The following NCOR2 variants were observed in gnomAD, a reference collection of about 807,000 sequenced individuals.
NCOR2 encodes the protein nuclear receptor corepressor 2, also known as CTG repeat protein 26.
NCOR2 carries 81 observed loss-of-function variants against 262.9 expected under a neutral mutation model. The ratio of observed to expected loss-of-function variants is 0.31; its 90% CI spans 0.26 to 0.37. The LOEUF is 0.37. Ranked by LOEUF, NCOR2 falls within the 10% of genes least tolerant of loss-of-function variation. The pLI, the probability that NCOR2 is intolerant of heterozygous loss-of-function variation, is 1.00. For missense variants in NCOR2, 3,385 were observed against 3,621.4 expected, an observed-to-expected ratio of 0.93 and a Z score of 1.68; for synonymous variants, 1,659 against 1,559.3, an observed-to-expected ratio of 1.06 and a Z score of -1.51.
exon 28 of NCOR2, chr12:124,350,709 C>T: frequency 6.2e-7 from 1 of 1,613,048 alleles, no homozygotes; most frequent in Non-Finnish European, 8.5e-7. Context: ...GGTGATGGTG[C>T]CCTTGTACAG....
chr12:124,429,832 G>A (rs1869948029), intron 9 of NCOR2, 126 bp from the exon 12 acceptor site: 1 of 911,418 alleles, frequency 1.1e-6, no homozygotes, highest in African/African-American at 1.6e-5. Flanking sequence ...GCCAGCAGAG[G>A]GGCCGGCCCC....
rs1209417010 is a variant in NCOR2 at position 124,335,241 on chromosome 12, T to C, written c.6305A>G (p.His2102Arg). The C allele has an allele frequency of 2.5e-6, 4 of 1,608,872 alleles. No homozygotes were observed. The Admixed American group carries it at 6.7e-5, about 27-fold the overall frequency. ...CTGGCTCTCAGGCAGCGGCCGCAGG[T>C]GTGGGAGGTGGGCGGCCTCCCCGCC... The change falls in exon 40 of 47, where the codon CAC (histidine) becomes CGC (arginine). Residue 2102 changes from histidine (H) to arginine (R), a missense_variant. His to Arg is a conservative substitution (Grantham distance 29). Coordinates refer to ENST00000405201, the Ensembl canonical transcript of NCOR2.
chr12:124,424,873 C>G (rs2043442915), intron 11 of NCOR2, among the ~76,000 whole-genome samples: 1 of 152,328 alleles, frequency 6.6e-6, no homozygotes, highest in South Asian at 2.1e-4. Context: ...CCTGGCCAAG[C>G]ACAGAGGCCT....
chr12:124,327,178 C>T (rs966966996), intron 45 of NCOR2, among the ~76,000 whole-genome samples: 3 of 151,832 alleles, frequency 2.0e-5, no homozygotes, highest in East Asian at 1.9e-4. Context: ...GGCAGCGCTT[C>T]GGGCCTAGTG....
At chr12:124,545,179 A>T (rs546288472) in intron 1 of NCOR2, among the ~76,000 whole-genome samples, 1 of 152,056 alleles carries the variant, frequency 6.6e-6, no homozygotes, top group East Asian at 1.9e-4. Flanking sequence ...CAGCACCTCG[A>T]ACACCCAGAA....
chr12:124,369,374 T>C (rs560587705), intron 20 of NCOR2, among the ~76,000 whole-genome samples: 1 of 152,046 alleles, frequency 6.6e-6, no homozygotes, highest in African/African-American at 2.4e-5. Context: ...ATGAGAGTCA[T>C]CTTGCGTCCA....
chr12:124,567,035 GC>G (rs1244654457), intron 1 of NCOR2, among the ~76,000 whole-genome samples: 2 of 151,994 alleles, frequency 1.3e-5, no homozygotes, highest in Admixed American at 1.3e-4. Context: ...TTTCCAGCGC[GC>G]CCCCCGCCCA....
chr12:124,377,664 C>A, intron 18 of NCOR2, among the ~76,000 whole-genome samples: 1 of 151,942 alleles, frequency 6.6e-6, no homozygotes, highest in East Asian at 1.9e-4. Flanking sequence ...CATGGCGAAA[C>A]CCCATCTCTG....
At chr12:124,560,291 C>T (rs770759091) in intron 1 of NCOR2, among the ~76,000 whole-genome samples, 30 of 152,232 alleles carry the variant, frequency 2.0e-4, no homozygotes, top group Non-Finnish European at 3.4e-4. Context: ...AAACGCTGTA[C>T]CCAAAAGCAG....
intron 41 of NCOR2, among the ~76,000 whole-genome samples, chr12:124,333,970 G>A (rs1348688729): frequency 1.3e-5 from 2 of 151,852 alleles, no homozygotes; most frequent in African/African-American, 4.8e-5. Flanking sequence ...GTGTGCGGGT[G>A]CGCATGTGTG....
chr12:124,401,154 T>G (rs1403735735), intron 14 of NCOR2, among the ~76,000 whole-genome samples: 1 of 150,412 alleles, frequency 6.6e-6, no homozygotes, highest in Non-Finnish European at 1.5e-5. Flanking sequence ...GAGGCTGCAG[T>G]GAGCCATGAT....
chr12:124,487,457 G>A (rs1307323437), intron 1 of NCOR2, among the ~76,000 whole-genome samples: 2 of 152,276 alleles, frequency 1.3e-5, no homozygotes, highest in Admixed American at 1.3e-4. Flanking sequence ...CCACACCTGA[G>A]TCAAGCTCCT....
At chr12:124,430,862 A>T (rs1196067219) in intron 8 of NCOR2, 75 bp from the exon 11 acceptor site, 1 of 1,517,184 alleles carries the variant, frequency 6.6e-7, no homozygotes, top group African/African-American at 1.4e-5. Flanking sequence ...GCCCACTCAC[A>T]TGCAGGCAGA....
chr12:124,563,412 A>AAT (rs1415807901), intron 1 of NCOR2, among the ~76,000 whole-genome samples: 3 of 152,228 alleles, frequency 2.0e-5, no homozygotes, highest in African/African-American at 7.2e-5. Flanking sequence ...CAATGATGCT[A>AAT]AGTTCATTCA....
intron 3 of NCOR2, among the ~76,000 whole-genome samples, chr12:124,480,721 C>T (rs577194756): frequency 5.8e-4 from 88 of 151,968 alleles, no homozygotes; most frequent in African/African-American, 2.1e-3. Context: ...TGGCCACGGG[C>T]CAAGCACCCC....
chr12:124,418,139 C>T (rs1027606882), intron 13 of NCOR2, among the ~76,000 whole-genome samples: 3 of 151,958 alleles, frequency 2.0e-5, no homozygotes, highest in Non-Finnish European at 4.4e-5. Flanking sequence ...CTGTGCCACT[C>T]GGCCTTGGTT....
intron 1 of NCOR2, chr12:124,556,177 A>G (rs1023454061): frequency 5.9e-5 from 9 of 152,388 alleles, no homozygotes; most frequent in African/African-American, 1.9e-4. Flanking sequence ...GGTCACGGCC[A>G]CCAAGGGAGG....
chr12:124,336,475 G>A (rs1056368352), intron 38 of NCOR2: 7 of 548,926 alleles, frequency 1.3e-5, no homozygotes, highest in Admixed American at 4.5e-5. Context: ...AGGGGCAGGC[G>A]CGGCCGGAGT....
chr12:124,342,911 A>G, intron 33 of NCOR2, 94 bp downstream of exon 35: 1 of 1,360,706 alleles, frequency 7.3e-7, no homozygotes, highest in Non-Finnish European at 1.0e-6. Flanking sequence ...GGAACCTGAC[A>G]GTTGATGCCT....
Sources: gnomAD v4.1 joint callset for allele counts (sites outside exome capture counted in the v4.1 genomes callset) on GRCh38, gnomAD v4.1.1 for gene constraint, MANE v1.5 for transcripts, NCBI Gene and HGNC (gene_info 2026-07-23, HGNC 2026-07-21) for gene names.